Variants in MMP16 observed in about 807,000 individuals in gnomAD.
MMP16 encodes matrix metalloproteinase-16.
Under a neutral mutation model 67.8 loss-of-function variants are expected in MMP16, and 12 were observed. The observed-to-expected ratio is 0.18, with a 90% CI of 0.11 to 0.29. The LOEUF (loss-of-function observed/expected upper bound fraction) is 0.29, where lower values mean the gene tolerates loss of function less well. Among genes scored for constraint, MMP16 ranks in the 10% least tolerant of loss-of-function variants. The probability of loss-of-function intolerance (pLI) is 1.00; values close to 1 mark genes in which losing one functional copy is unlikely to be tolerated. For synonymous variants in MMP16, 249 were observed against 255.9 expected (o/e 0.97, Z 0.26); for missense variants, 475 against 765.7 (o/e 0.62, Z 4.48).
At chr8:88,272,542 A>G (rs1810580118) in intron 1 of MMP16, among the ~76,000 whole-genome samples, 1 of 152,214 alleles carries the variant, frequency 6.6e-6, no homozygotes, top group Admixed American at 6.5e-5. Context: ...AAGTGAAACT[A>G]AGAACGCACT....
chr8:88,208,060 T>A (rs1809456615), intron 1 of MMP16, among the ~76,000 whole-genome samples: 1 of 152,198 alleles, frequency 6.6e-6, no homozygotes, highest in African/African-American at 2.4e-5. Context: ...AGACTAGTTA[T>A]TAGATGTCTT....
At chr8:88,057,172 G>A (rs1016056959) in intron 7 of MMP16, among the ~76,000 whole-genome samples, 1 of 152,064 alleles carries the variant, frequency 6.6e-6, no homozygotes, top group Admixed American at 6.6e-5. Flanking sequence ...TCTCTGAGCT[G>A]TGAGAAAACC....
chr8:88,140,600 C>A (rs1234523990), intron 4 of MMP16, among the ~76,000 whole-genome samples: 1 of 152,024 alleles, frequency 6.6e-6, no homozygotes, highest in Non-Finnish European at 1.5e-5. Flanking sequence ...TAATCTGGTT[C>A]CTGCTGTTGC....
rs1296100967 is a variant in MMP16, at chr8:88,201,070, T to C, written c.133-3764A>G. ...AAGAACAATTTTTAAACTTCCCCAC[T>C]GATAGGACATAACATATAGAGAAAA... On this transcript the variant is annotated intron_variant, in intron 1 of 9. Coordinates refer to ENST00000286614, the MANE Select transcript of MMP16 (RefSeq NM_005941.5). 2.8e-5 allele frequency among the ~76,000 whole-genome samples: 4 copies of C among 144,518 alleles called. No homozygotes were observed. The East Asian group carries it at 8.2e-4, about 30-fold the overall frequency. The allele number at this position is 144,518 out of a possible 152,430, so 94.8% of individuals were successfully genotyped here. A position where few individuals can be genotyped will look rare whatever the true frequency, so the allele number is the denominator to read the frequency against.
At chr8:88,120,432 T>C (rs1030211914) in intron 4 of MMP16, among the ~76,000 whole-genome samples, 2 of 151,928 alleles carry the variant, frequency 1.3e-5, no homozygotes, top group Non-Finnish European at 2.9e-5. Context: ...AATACAAATC[T>C]GATAACCATG....
intron 6 of MMP16, among the ~76,000 whole-genome samples, chr8:88,111,694 G>C (rs932214886): frequency 6.6e-6 from 1 of 151,680 alleles, no homozygotes; most frequent in African/African-American, 2.4e-5. Flanking sequence ...TCAGTATGCA[G>C]TATTGACAAC....
intron 6 of MMP16, among the ~76,000 whole-genome samples, chr8:88,102,727 TA>T (rs977692349): frequency 5.9e-5 from 9 of 151,738 alleles, no homozygotes; most frequent in Admixed American, 3.9e-4. Context: ...CTCATTCGCA[TA>T]AAAAAAGATA....
chr8:88,173,435 T>C (rs1808836714), intron 3 of MMP16, among the ~76,000 whole-genome samples: 1 of 152,156 alleles, frequency 6.6e-6, no homozygotes, highest in Non-Finnish European at 1.5e-5. Flanking sequence ...TGGCATCTAA[T>C]CAGGTTACAA....
chr8:88,211,054 G>A (rs1298598322), intron 1 of MMP16, among the ~76,000 whole-genome samples: 1 of 152,132 alleles, frequency 6.6e-6, no homozygotes, highest in African/African-American at 2.4e-5. Context: ...ATGGATACAA[G>A]TGTCATTGTA....
chr8:88,137,772 C>T (rs76616825), intron 4 of MMP16, among the ~76,000 whole-genome samples: 6,155 of 151,678 alleles, frequency 0.041, 410 homozygotes, highest in African/African-American at 0.14. Flanking sequence ...ACTCATTTTG[C>T]GCTCCCTCTC....
At chr8:88,070,342 G>T (rs1808531089) in intron 7 of MMP16, among the ~76,000 whole-genome samples, 4 of 152,060 alleles carry the variant, frequency 2.6e-5, no homozygotes, top group Admixed American at 2.6e-4. Context: ...GATATTTCTA[G>T]GATAATTATT....
At chr8:88,232,108 G>T (rs548827844) in intron 1 of MMP16, among the ~76,000 whole-genome samples, 6 of 152,232 alleles carry the variant, frequency 3.9e-5, no homozygotes, top group African/African-American at 1.4e-4. Context: ...TTTCATCTAT[G>T]AGGATGCAAG....
At chr8:88,106,346 C>A (rs962081874) in intron 6 of MMP16, among the ~76,000 whole-genome samples, 10 of 151,122 alleles carry the variant, frequency 6.6e-5, no homozygotes, top group Non-Finnish European at 1.2e-4. Flanking sequence ...GGAGATTCAA[C>A]CTCATTCTTT....
At chr8:88,055,843 A>G (rs1808325262) in intron 8 of MMP16, among the ~76,000 whole-genome samples, 1 of 152,208 alleles carries the variant, frequency 6.6e-6, no homozygotes, top group Non-Finnish European at 1.5e-5. Context: ...AAGGATACAT[A>G]TATACACTGC....
intron 6 of MMP16, among the ~76,000 whole-genome samples, chr8:88,088,967 A>T (rs1229912348): frequency 6.6e-6 from 1 of 152,148 alleles, no homozygotes; most frequent in Non-Finnish European, 1.5e-5. Context: ...TCATTCAGCA[A>T]AATAATGAAG....
chr8:88,180,719 C>A (rs551425036), intron 3 of MMP16, among the ~76,000 whole-genome samples: 1 of 151,638 alleles, frequency 6.6e-6, no homozygotes. Flanking sequence ...GATATCAATA[C>A]CAGATAAAGA....
chr8:88,262,401 TA>T (rs1200797015), intron 1 of MMP16, among the ~76,000 whole-genome samples: 1 of 152,214 alleles, frequency 6.6e-6, no homozygotes, highest in East Asian at 1.9e-4. Flanking sequence ...ATACATTTTA[TA>T]AAACTCTAAA....
At chr8:88,172,083 G>A (rs1258588056) in intron 3 of MMP16, among the ~76,000 whole-genome samples, 2 of 152,148 alleles carry the variant, frequency 1.3e-5, no homozygotes, top group Non-Finnish European at 2.9e-5. Context: ...CCTCCAAAGT[G>A]CTGGGATTAC....
In MMP16 at chr8:88,279,285, C is replaced by T. The variant is rs189069121; in HGVS notation, c.132+47790G>A. 8.7e-3 allele frequency among the ~76,000 whole-genome samples: 1,311 copies of T among 151,162 alleles called. 5 individuals are homozygous for T. The highest frequency in any genetic ancestry group is 0.011 in the Non-Finnish European group (765 of 67,856). Reference sequence around the variant, plus strand: ...CTATCCCATTAATATTTTTATTGGTCATATGTTAAAATGATAATATATCCG... The same window carrying T: ...CTATCCCATTAATATTTTTATTGGTTATATGTTAAAATGATAATATATCCG... On this transcript the variant is annotated intron_variant, in intron 1 of 9. Coordinates refer to ENST00000286614, the MANE Select transcript of MMP16 (RefSeq NM_005941.5).
Sources: allele counts gnomAD v4.1 joint callset (sites outside exome capture counted in the v4.1 genomes callset), GRCh38; gene constraint gnomAD v4.1.1; transcripts MANE v1.5; gene names NCBI Gene and HGNC (gene_info 2026-07-23, HGNC 2026-07-21).